KIF6: variants seen among roughly 807,000 people sequenced by gnomAD.
KIF6 encodes the protein kinesin-like protein KIF6.
A neutral mutation model predicts 112.7 loss-of-function variants in KIF6; 106 were observed. That is an observed-to-expected ratio of 0.94 (90% CI 0.80 to 1.11). KIF6 has a LOEUF of 1.11. KIF6 is among the 50% of genes least tolerant of loss of function. The pLI, the probability that KIF6 is intolerant of heterozygous loss-of-function variation, is 0.00. For missense variants in KIF6, 929 were observed against 964.0 expected (o/e 0.96, Z 0.48); for synonymous variants, 339 against 339.9 (o/e 1.00, Z 0.03).
intron 13 of KIF6, among the ~76,000 whole-genome samples, chr6:39,494,647 C>T (rs1233239948): frequency 6.6e-6 from 1 of 152,006 alleles, no homozygotes; most frequent in Non-Finnish European, 1.5e-5. Flanking sequence ...GTATTTTATT[C>T]ATGGAGAGAA....
intron 6 of KIF6, among the ~76,000 whole-genome samples, chr6:39,601,940 C>T (rs368818048): frequency 4.9e-4 from 74 of 152,166 alleles, no homozygotes; most frequent in Admixed American, 8.5e-4. Flanking sequence ...GCTCTCCACC[C>T]GGTTAGGTAA....
At chr6:39,384,652 C>T (rs1261069696) in intron 16 of KIF6, among the ~76,000 whole-genome samples, 2 of 152,216 alleles carry the variant, frequency 1.3e-5, no homozygotes, top group East Asian at 3.9e-4. Flanking sequence ...GAGCCATCGT[C>T]ATGACTTTAG....
intron 13 of KIF6, among the ~76,000 whole-genome samples, chr6:39,521,573 C>T (rs945394780): frequency 1.3e-5 from 2 of 152,092 alleles, no homozygotes; most frequent in African/African-American, 4.8e-5. Flanking sequence ...AGGACCATAC[C>T]AACTGTCCCC....
chr6:39,565,152 T>A (rs1306611006), intron 10 of KIF6, among the ~76,000 whole-genome samples: 1 of 152,202 alleles, frequency 6.6e-6, no homozygotes, highest in African/African-American at 2.4e-5. Flanking sequence ...TCTCGAAACG[T>A]CATTTATTTT....
chr6:39,563,371 T>G (rs1410250700), intron 10 of KIF6, among the ~76,000 whole-genome samples: 1 of 152,322 alleles, frequency 6.6e-6, no homozygotes, highest in African/African-American at 2.4e-5. Flanking sequence ...TTATCATCTA[T>G]GTACATAGCA....
Position 39,723,676 on chromosome 6 carries a change from T to C in KIF6, c.66+1569A>G, listed in dbSNP as rs190088213. ...GCCAAACACCACATGTTCTCACTCA[T>C]AAGTGGGAGCTGAACAATGAGAACG... On this transcript the variant is annotated intron_variant, in intron 1 of 22. Coordinates refer to ENST00000287152, the MANE Select transcript of KIF6 (RefSeq NM_145027.6). Among the ~76,000 whole-genome samples the C allele has an allele frequency of 3.2e-4, 48 of 152,188 alleles. 1 individual carries two copies. Among genetic ancestry groups the C allele is most frequent in the African/African-American group, 1.0e-3 (42 of 41,500 alleles).
chr6:39,681,249 T>A (rs1451203327), intron 3 of KIF6, among the ~76,000 whole-genome samples: 1 of 152,196 alleles, frequency 6.6e-6, no homozygotes, highest in Non-Finnish European at 1.5e-5. Context: ...TGTTTCCATA[T>A]TTCAGAAGAA....
chr6:39,562,260 G>T (rs983187814), intron 10 of KIF6, among the ~76,000 whole-genome samples: 2 of 152,190 alleles, frequency 1.3e-5, no homozygotes, highest in African/African-American at 4.8e-5. Flanking sequence ...ATCAGTCAAA[G>T]ACAGTGGTGG....
chr6:39,468,795 A>G (rs1773951210), intron 13 of KIF6, among the ~76,000 whole-genome samples: 1 of 152,070 alleles, frequency 6.6e-6, no homozygotes, highest in Non-Finnish European at 1.5e-5. Context: ...AGTAAAAGTA[A>G]TTATATAGGT....
intron 2 of KIF6, among the ~76,000 whole-genome samples, 185 bp downstream of exon 2, chr6:39,720,517 A>G (rs1462893359): frequency 2.0e-5 from 3 of 152,116 alleles, no homozygotes; most frequent in Non-Finnish European, 4.4e-5. Flanking sequence ...AGAAATACAC[A>G]TTATTTTTGA....
intron 14 of KIF6, among the ~76,000 whole-genome samples, chr6:39,420,864 G>C (rs1770312098): frequency 6.6e-6 from 1 of 151,978 alleles, no homozygotes; most frequent in Admixed American, 6.6e-5. Flanking sequence ...ACCTTTGATG[G>C]CTTCATGCTA....
chr6:39,560,297 T>A (rs773430410), intron 10 of KIF6, among the ~76,000 whole-genome samples: 4 of 152,212 alleles, frequency 2.6e-5, no homozygotes, highest in African/African-American at 9.6e-5. Context: ...ACTAATAATA[T>A]ACTACATTTT....
intron 3 of KIF6, among the ~76,000 whole-genome samples, chr6:39,653,717 C>T (rs1785604036): frequency 6.6e-6 from 1 of 152,168 alleles, no homozygotes; most frequent in African/African-American, 2.4e-5. Flanking sequence ...GGCAGAAGTG[C>T]TCCCCACCAC....
intron 3 of KIF6, among the ~76,000 whole-genome samples, chr6:39,696,639 CAGTATATAAT>C: frequency 6.6e-6 from 1 of 151,140 alleles, no homozygotes; most frequent in African/African-American, 2.4e-5. Flanking sequence ...TGTGTGTGTA[CAGTATATAAT>C]ATATAAATAT....
At chr6:39,538,151 G>A (rs1251577200) in intron 13 of KIF6, among the ~76,000 whole-genome samples, 1 of 151,940 alleles carries the variant, frequency 6.6e-6, no homozygotes, top group Non-Finnish European at 1.5e-5. Flanking sequence ...CAGGACACAG[G>A]CATGGGCAAG....
rs55821432 is a variant in KIF6 at position 39,416,763 on chromosome 6, C to T, written c.1810+3185G>A. Reference sequence around the variant, plus strand: ...GGCAGCTCAAGAGGCAGCTGTGGATCACAATGTCAGAGAAAAAACAAACTA... The same window carrying T: ...GGCAGCTCAAGAGGCAGCTGTGGATTACAATGTCAGAGAAAAAACAAACTA... On this transcript the variant is annotated intron_variant, in intron 15 of 22. Coordinates refer to ENST00000287152, the MANE Select transcript of KIF6 (RefSeq NM_145027.6). Among the ~76,000 whole-genome samples, 340 of 152,306 alleles carry T rather than the reference C, an allele frequency of 2.2e-3. 1 individual carries two copies. The highest frequency in any genetic ancestry group is 7.5e-3 in the African/African-American group (312 of 41,562).
chr6:39,454,906 C>T (rs1347971691), intron 13 of KIF6, among the ~76,000 whole-genome samples: 2 of 152,178 alleles, frequency 1.3e-5, no homozygotes, highest in African/African-American at 4.8e-5. Flanking sequence ...GCACAGCAGT[C>T]TGAGATCAAA....
chr6:39,455,371 C>T (rs1455987916), intron 13 of KIF6, among the ~76,000 whole-genome samples: 5 of 151,706 alleles, frequency 3.3e-5, no homozygotes, highest in African/African-American at 1.2e-4. Flanking sequence ...CCCATCTGTA[C>T]ATCACCATCA....
rs200290713 is a variant in KIF6 at position 39,505,908 on chromosome 6, G to T, written c.1645+34095C>A. On this transcript the variant is annotated intron_variant, in intron 13 of 22. Coordinates refer to ENST00000287152, the MANE Select transcript of KIF6 (RefSeq NM_145027.6). Reference sequence around the variant, plus strand: ...GAATGCTTTTACACGGTTGGTGGGAGTGTAAATTAGTTCACCCATTGTGGA... The same window carrying T: ...GAATGCTTTTACACGGTTGGTGGGATTGTAAATTAGTTCACCCATTGTGGA... Among the ~76,000 whole-genome samples the T allele has an allele frequency of 9.8e-5, 15 of 152,326 alleles. No individual in the cohort carries two copies. In the East Asian group the frequency reaches 2.5e-3, roughly 25 times the overall value.
Sources: allele counts gnomAD v4.1 joint callset (sites outside exome capture counted in the v4.1 genomes callset), GRCh38; gene constraint gnomAD v4.1.1; transcripts MANE v1.5; gene names NCBI Gene and HGNC (gene_info 2026-07-23, HGNC 2026-07-21).